The following RNF130 variants were observed in gnomAD, a reference collection of about 807,000 sequenced individuals.
The protein encoded by RNF130 is ring finger protein 130.
Under a neutral mutation model 44.6 loss-of-function variants are expected in RNF130, and 21 were observed. That is an observed-to-expected ratio of 0.47 (90% confidence interval 0.33 to 0.68). The LOEUF is 0.68. Ranked by LOEUF, RNF130 falls within the 30% of genes least tolerant of loss-of-function variation. The probability of loss-of-function intolerance (pLI) is 0.02; values close to 1 mark genes in which losing one functional copy is unlikely to be tolerated. For missense variants in RNF130, 479 were observed against 560.6 expected, an observed-to-expected ratio of 0.85 and a Z score of 1.47; for synonymous variants, 214 against 210.4, an observed-to-expected ratio of 1.02 and a Z score of -0.15.
chr5:179,968,156 A>G (rs185621418), intron 6 of RNF130, among the ~76,000 whole-genome samples: 1,787 of 152,088 alleles, frequency 0.012, 74 homozygotes, highest in Admixed American at 0.082. Context: ...TTAGCCGGGC[A>G]TGGTGGCGGG....
At chr5:180,030,587 T>C (rs964244992) in intron 2 of RNF130, among the ~76,000 whole-genome samples, 14 of 152,128 alleles carry the variant, frequency 9.2e-5, no homozygotes, top group African/African-American at 3.4e-4. Context: ...TGCCCAGGCT[T>C]AGACTTGACC....
intron 2 of RNF130, among the ~76,000 whole-genome samples, chr5:180,035,088 G>A (rs976766257): frequency 1.3e-5 from 2 of 152,072 alleles, no homozygotes; most frequent in African/African-American, 2.4e-5. Flanking sequence ...TTGTTCTACT[G>A]GTTTGGGGTT....
rs61340522 is a variant in RNF130, at chr5:180,051,238, A to ATATTTATTTATTTATTTATTTATT, written c.248-10615_248-10592dup. 9.0e-3 allele frequency among the ~76,000 whole-genome samples: 1,301 copies of ATATTTATTTATTTATTTATTTATT among 144,156 alleles called. 15 individuals are homozygous for ATATTTATTTATTTATTTATTTATT. The highest frequency in any genetic ancestry group is 0.016 in the South Asian group (71 of 4,414). The allele number at this position is 144,156 out of a possible 152,430, so 94.6% of individuals were successfully genotyped here. On this transcript the variant is annotated intron_variant, in intron 1 of 8. Coordinates refer to ENST00000521389, the MANE Select transcript of RNF130 (RefSeq NM_018434.6). The stretch of plus-strand genomic sequence containing the variant: ...ATTATCACCTTTTTGTATAGATATT[A>ATATTTATTTATTTATTTATTTATT]TATTTATTTATTTATTTATTTATTT...
At chr5:179,997,042 T>C (rs1271539403) in intron 3 of RNF130, among the ~76,000 whole-genome samples, 1 of 152,216 alleles carries the variant, frequency 6.6e-6, no homozygotes, top group Non-Finnish European at 1.5e-5. Context: ...TGAATCTATG[T>C]TGGTATATGT....
At chr5:180,013,398 C>T (rs895586541) in intron 2 of RNF130, 87 bp from the exon 3 acceptor site, 31 of 1,189,328 alleles carry the variant, frequency 2.6e-5, no homozygotes, top group Non-Finnish European at 3.5e-5. Flanking sequence ...TAGGTAACTA[C>T]TATAATGTCT....
chr5:179,990,261 G>A (rs763264378), intron 3 of RNF130, among the ~76,000 whole-genome samples: 26 of 152,346 alleles, frequency 1.7e-4, no homozygotes, highest in Non-Finnish European at 2.9e-4. Context: ...ATAAGGTCAC[G>A]TGAGTCACAT....
intron 7 of RNF130, among the ~76,000 whole-genome samples, chr5:179,929,509 A>G (rs933128665): frequency 2.0e-5 from 3 of 152,174 alleles, no homozygotes; most frequent in Non-Finnish European, 4.4e-5. Flanking sequence ...GCACTTTAGG[A>G]GGCCAAGGTG....
At chr5:180,055,471 C>A (rs941535817) in intron 1 of RNF130, among the ~76,000 whole-genome samples, 2 of 150,096 alleles carry the variant, frequency 1.3e-5, no homozygotes, top group Non-Finnish European at 3.0e-5. Flanking sequence ...TGTGTGTGTG[C>A]GCGCGCGCAC....
chr5:180,034,659 C>T (rs998757782), intron 2 of RNF130, among the ~76,000 whole-genome samples: 1 of 152,130 alleles, frequency 6.6e-6, no homozygotes, highest in Admixed American at 6.6e-5. Flanking sequence ...AACTACTATC[C>T]GTCGAAAGGC....
chr5:179,929,835 G>A (rs1761779821), intron 7 of RNF130, among the ~76,000 whole-genome samples: 1 of 152,048 alleles, frequency 6.6e-6, no homozygotes, highest in Non-Finnish European at 1.5e-5. Context: ...ATCACAGTAA[G>A]TCTATAAGTC....
chr5:179,920,271 C>A, exon 8 of RNF130: 2 of 672,094 alleles, frequency 3.0e-6, no homozygotes, highest in South Asian at 3.1e-5. Context: ...GATCAGAAAT[C>A]AAATCACAAA....
chr5:179,950,667 T>G (rs1762111881), downstream of RNF130, among the ~76,000 whole-genome samples: 3 of 152,250 alleles, frequency 2.0e-5, no homozygotes, highest in South Asian at 6.2e-4. Context: ...CTCATTTCGC[T>G]TCTTAGCTCT....
At chr5:179,988,389 T>C (rs1298963943) in intron 3 of RNF130, among the ~76,000 whole-genome samples, 2 of 152,202 alleles carry the variant, frequency 1.3e-5, no homozygotes, top group Non-Finnish European at 2.9e-5. Context: ...TTTTAGTCTC[T>C]GTTTCATTTA....
chr5:179,950,632 T>A (rs1762111271), downstream of RNF130, among the ~76,000 whole-genome samples: 1 of 152,252 alleles, frequency 6.6e-6, no homozygotes, highest in Non-Finnish European at 1.5e-5. Context: ...CTAAGACTGA[T>A]GGGAAGTCCC....
At chr5:179,957,767 A>G (rs1762240786) in intron 8 of RNF130, among the ~76,000 whole-genome samples, 1 of 152,258 alleles carries the variant, frequency 6.6e-6, no homozygotes, top group Non-Finnish European at 1.5e-5. Context: ...AAAAGGATCC[A>G]CTATCCAGCA....
At chr5:180,032,577 C>T (rs1293859983) in intron 2 of RNF130, among the ~76,000 whole-genome samples, 4 of 152,174 alleles carry the variant, frequency 2.6e-5, no homozygotes, top group African/African-American at 7.2e-5. Flanking sequence ...TGTTTCAGCA[C>T]TGGTTGTTGA....
chr5:180,013,565 A>C (rs1375109281), intron 2 of RNF130, among the ~76,000 whole-genome samples: 1 of 152,214 alleles, frequency 6.6e-6, no homozygotes, highest in Non-Finnish European at 1.5e-5. Flanking sequence ...AACCATATTA[A>C]CTTGTCTGAC....
intron 1 of RNF130, among the ~76,000 whole-genome samples, chr5:180,069,780 G>A (rs1765202794): frequency 6.6e-6 from 1 of 152,182 alleles, no homozygotes; most frequent in South Asian, 2.1e-4. Flanking sequence ...ATCCTACAAT[G>A]CTGCCTCCCC....
In RNF130 at chr5:180,015,513, AGGAAAGGAGTAG is replaced by A. The variant is rs1487335197; in HGVS notation, c.443-2214_443-2203del. 2.3e-4 allele frequency: 45 copies of A among 199,448 alleles called. 5 individuals are homozygous for A. The highest frequency in any genetic ancestry group is 9.5e-4 in the South Asian group (20 of 21,122). The allele number at this position is 199,448 out of a possible 1,614,324, so 12.4% of individuals were successfully genotyped here. On this transcript the variant is annotated intron_variant, in intron 2 of 8. Coordinates refer to ENST00000521389, the MANE Select transcript of RNF130 (RefSeq NM_018434.6). ...GTAGGAAAGGAGTAGGGAAAGGAGTAGGAAAGGAGTAGGGAAAGGAGTAGGAAAGGAGTAGGG... is the reference window on the plus strand; with the variant it reads ...GTAGGAAAGGAGTAGGGAAAGGAGTAGGAAAGGAGTAGGAAAGGAGTAGGG...
Sources: allele counts gnomAD v4.1 joint callset (sites outside exome capture counted in the v4.1 genomes callset), GRCh38; gene constraint gnomAD v4.1.1; transcripts MANE v1.5; gene names NCBI Gene and HGNC (gene_info 2026-07-23, HGNC 2026-07-21).